The following PCDH1 variants were observed in gnomAD, a reference collection of about 807,000 sequenced individuals.
PCDH1 encodes protocadherin-1.
Under a neutral mutation model 74.6 loss-of-function variants are expected in PCDH1, and 23 were observed. The observed-to-expected ratio is 0.31, with a 90% confidence interval of 0.22 to 0.44. PCDH1 has a LOEUF of 0.44. Ranked by LOEUF, PCDH1 falls within the 20% of genes least tolerant of loss-of-function variation. PCDH1 has a pLI of 1.00. For synonymous variants in PCDH1, 647 were observed against 686.1 expected (o/e 0.94, Z 0.89); for missense variants, 1,214 against 1,641.4 (o/e 0.74, Z 4.50).
At position 141,865,430 on chromosome 5, in the gene PCDH1, A is replaced by G. The variant is rs369131172; in HGVS notation, c.904-3T>C. The G allele has an allele frequency of 8.4e-5, 135 of 1,610,628 alleles. No individual in the cohort carries two copies. Among genetic ancestry groups the G allele is most frequent in the Admixed American group, 8.0e-4 (48 of 59,946 alleles). ...TGGTCTGAGTCATTGGCCTTCACCTATAGGGCAGGAGAGAAAAACAAGGAG... is the reference window on the plus strand; with the variant it reads ...TGGTCTGAGTCATTGGCCTTCACCTGTAGGGCAGGAGAGAAAAACAAGGAG... On this transcript the variant is annotated splice_polypyrimidine_tract_variant and splice_region_variant and intron_variant, in intron 2 of 4. Transcript: ENST00000287008. The surrounding 1 kb of genome is among the most constrained non-coding windows in gnomAD (Gnocchi z 4.4).
At chr5:141,873,347 C>A (rs1313261688) in intron 1 of PCDH1, among the ~76,000 whole-genome samples, 2 of 146,574 alleles carry the variant, frequency 1.4e-5, no homozygotes, top group African/African-American at 5.1e-5. Flanking sequence ...ACCGTGTTGG[C>A]CACAATGGTC....
At chr5:141,866,619 C>T (rs956614778) in intron 2 of PCDH1, among the ~76,000 whole-genome samples, 2 of 152,096 alleles carry the variant, frequency 1.3e-5, no homozygotes, top group African/African-American at 2.4e-5. Context: ...CCCAGTTATA[C>T]CACTTCCCAA....
At position 141,853,288 on chromosome 5, in the gene PCDH1, GA is replaced by G. The variant is rs1752195713; in HGVS notation, c.*753del. On this transcript the variant is annotated 3_prime_UTR_variant, in exon 5 of 5. Transcript: ENST00000287008. Reference sequence around the variant, plus strand: ...GGTTGGGGGGCACTGCGGCAGGGAGGAGGGGGCACAGGGCAGGTCCCCCCCC... The same window carrying G: ...GGTTGGGGGGCACTGCGGCAGGGAGGGGGGGCACAGGGCAGGTCCCCCCCC... 1 of 152,510 alleles carries G rather than the reference GA, an allele frequency of 6.6e-6. No individual in the cohort carries two copies. The highest frequency in any genetic ancestry group is 2.4e-5 in the African/African-American group (1 of 41,378). The allele number at this position is 152,510 out of a possible 1,614,324, so 9.4% of individuals were successfully genotyped here.
At chr5:141,859,629 G>C (rs1168862935) in intron 3 of PCDH1, among the ~76,000 whole-genome samples, 1 of 152,028 alleles carries the variant, frequency 6.6e-6, no homozygotes, top group Non-Finnish European at 1.5e-5. Context: ...TGAGAATCCT[G>C]GTAGCTCTCC....
chr5:141,864,664 G>A lies in PCDH1; in HGVS notation c.1667C>T (p.Thr556Ile). Residue 556 changes from threonine to isoleucine, a missense_variant, in exon 3 of 5, where the codon ACC becomes ATC. By Grantham distance (89) the Thr-to-Ile change is moderately conservative (BLOSUM62 -1). This residue lies in a region of PCDH1 where 836 missense variants were observed against 1,182.2 expected (regional missense o/e 0.71). Transcript: ENST00000287008. The surrounding 1 kb of genome is among the most constrained non-coding windows in gnomAD (Gnocchi z 5.9). The part of the protein sequence containing the change: ...EPEPAAKGLF[T>I]ISPETGEIQV... Reference sequence around the variant, plus strand: ...GATCTCTCCAGTCTCGGGTGAGATGGTGAAGAGGCCCTTAGCAGCCGGCTC... The same window carrying A: ...GATCTCTCCAGTCTCGGGTGAGATGATGAAGAGGCCCTTAGCAGCCGGCTC... The A allele has an allele frequency of 6.2e-7, 1 of 1,613,942 alleles. No homozygotes were observed. The highest frequency in any genetic ancestry group is 8.5e-7 in the Non-Finnish European group (1 of 1,180,030).
At chr5:141,874,328 C>T (rs1753167065) in intron 1 of PCDH1, among the ~76,000 whole-genome samples, 1 of 152,224 alleles carries the variant, frequency 6.6e-6, no homozygotes, top group African/African-American at 2.4e-5. Flanking sequence ...AGCAGTTGGG[C>T]ACTGGGAGTC....
chr5:141,854,216 G>A lies in PCDH1; in HGVS notation c.3540C>T (p.Thr1180=). ...GSPSPPEDRN[T]KTAPVRLLPS... ...GCAGGAGGCGCACGGGGGCCGTTTTGGTGTTCCGGTCTTCCGGGGGGCTGG... is the reference window on the plus strand; with the variant it reads ...GCAGGAGGCGCACGGGGGCCGTTTTAGTGTTCCGGTCTTCCGGGGGGCTGG... The change falls in exon 5 of 5, where the codon ACC becomes ACT. Residue 1180 remains threonine (T), a synonymous_variant. Transcript: ENST00000287008. The A allele has an allele frequency of 6.2e-7, 1 of 1,611,190 alleles. No homozygotes were observed. Among genetic ancestry groups the A allele is most frequent in the Non-Finnish European group, 8.5e-7 (1 of 1,178,302 alleles).
chr5:141,866,225 C>CGGCTGGCT, intron 2 of PCDH1: 1 of 985,472 alleles, frequency 1.0e-6, no homozygotes, highest in Non-Finnish European at 1.2e-6. Context: ...CGACTGGCAC[C>CGGCTGGCT]GGCTGGCGAG....
Position 141,863,385 on chromosome 5 carries a change from G to A in PCDH1, c.2946C>T (p.Pro982=). ...GCTTCTTGGAGGCTGAGGGTGACTG[G>A]GGCTGCAGCTGGATGGAAGGCAGTG... ...NSPLPSIQLQ[P]QSPSASKKHQ... The change falls in exon 3 of 5, where the codon CCC becomes CCT. Residue 982 remains proline (P), a synonymous_variant. Coordinates refer to ENST00000287008, the MANE Select transcript of PCDH1 (RefSeq NM_032420.5). This position sits in a 1 kb window ranked among gnomAD's most constrained non-coding sequence, Gnocchi z 7.5. The A allele has an allele frequency of 1.9e-6, 3 of 1,550,322 alleles. No homozygotes were observed. Among genetic ancestry groups the A allele is most frequent in the Non-Finnish European group, 2.6e-6 (3 of 1,147,028 alleles).
chr5:141,877,464 T>TG (rs1353601975), intron 1 of PCDH1, among the ~76,000 whole-genome samples: 2 of 152,100 alleles, frequency 1.3e-5, no homozygotes, highest in African/African-American at 2.4e-5. Flanking sequence ...TAAAGGAATG[T>TG]GGGGGGTGGC....
intron 3 of PCDH1, chr5:141,862,950 G>T (rs1484500549): frequency 8.1e-7 from 1 of 1,239,374 alleles, no homozygotes; most frequent in Admixed American, 3.9e-5. Context: ...AGGCCCAGTA[G>T]CTGGTCCAGG....
chr5:141,856,326 G>A lies in PCDH1; in HGVS notation c.3319+926C>T, dbSNP rs1470535926. 41 of 1,327,848 alleles carry A rather than the reference G, an allele frequency of 3.1e-5. 1 individual carries two copies. Among genetic ancestry groups the A allele is most frequent in the Non-Finnish European group, 4.3e-5 (41 of 958,426 alleles). The allele number at this position is 1,327,848 out of a possible 1,614,324, so 82.3% of individuals were successfully genotyped here. A position where few individuals can be genotyped will look rare whatever the true frequency, so the allele number is the denominator to read the frequency against. On this transcript the variant is annotated intron_variant, in intron 4 of 4. Coordinates refer to ENST00000287008, the MANE Select transcript of PCDH1 (RefSeq NM_032420.5). The stretch of plus-strand genomic sequence containing the variant: ...GCGCATGGAGGGGCGGGGTGGGGGT[G>A]GAGGGCACTCTGAGACCTAGGGCCT...
intron 1 of PCDH1, among the ~76,000 whole-genome samples, chr5:141,873,212 A>G (rs11953639): frequency 0.21 from 30,971 of 149,768 alleles, 5,193 homozygotes; most frequent in African/African-American, 0.47. Context: ...TGCAACCTCC[A>G]CCTTTCGGGT....
intron 1 of PCDH1, among the ~76,000 whole-genome samples, chr5:141,874,262 A>G (rs1249679889): frequency 6.6e-6 from 1 of 152,252 alleles, no homozygotes; most frequent in Non-Finnish European, 1.5e-5. Flanking sequence ...GGGCAGGAGC[A>G]GCAATAAGGA....
At chr5:141,873,023 T>C (rs533283812) in intron 1 of PCDH1, among the ~76,000 whole-genome samples, 46 of 152,190 alleles carry the variant, frequency 3.0e-4, no homozygotes, top group Admixed American at 1.1e-3. Context: ...ATTCAGGAGG[T>C]GGGACCTAGA....
chr5:141,876,270 G>A lies in PCDH1; in HGVS notation c.40+1953C>T, dbSNP rs143672764. ...GTGGTGAGAACGCGCTTCGGCTAGT[G>A]GGGGGAGCCCTTGCGCCCCCCGCAC... On this transcript the variant is annotated intron_variant, in intron 1 of 4. Coordinates refer to ENST00000287008, the MANE Select transcript of PCDH1 (RefSeq NM_032420.5). Among the ~76,000 whole-genome samples, 109 of 152,300 alleles carry A rather than the reference G, an allele frequency of 7.2e-4. 1 individual carries two copies. The highest frequency in any genetic ancestry group is 3.4e-3 in the Middle Eastern group (1 of 294).
chr5:141,870,357 C>T (rs185881809), intron 1 of PCDH1, among the ~76,000 whole-genome samples: 1 of 152,324 alleles, frequency 6.6e-6, no homozygotes, highest in East Asian at 1.9e-4. Context: ...CTGCCATGGG[C>T]AGGTGCGTAC....
rs1752679970 is a variant in PCDH1, at chr5:141,863,748, C to G, written c.2583G>C (p.Val861=). ...GGGCGATGAGCAAGGCCACGGCCAC[C>G]ACACCAGCCACCACACCAAAGAGAA... ...GNILFGVVAG[V]VAVALLIALA... is the part of the protein sequence containing the mutation. The change falls in exon 3 of 5, where the codon GTG becomes GTC. Residue 861 remains valine, a synonymous_variant. Transcript: ENST00000287008. This position sits in a 1 kb window ranked among gnomAD's most constrained non-coding sequence, Gnocchi z 7.5. 1 of 1,614,076 alleles carries G rather than the reference C, an allele frequency of 6.2e-7. No individual in the cohort carries two copies. The highest frequency in any genetic ancestry group is 8.5e-7 in the Non-Finnish European group (1 of 1,180,034).
chr5:141,856,119 G>T, intron 4 of PCDH1: 1 of 1,089,014 alleles, frequency 9.2e-7, no homozygotes, highest in Non-Finnish European at 1.3e-6. Context: ...GAGCAGAGTT[G>T]GGGGACGCAA....
Sources: allele counts gnomAD v4.1 joint callset (sites outside exome capture counted in the v4.1 genomes callset), GRCh38; gene constraint gnomAD v4.1.1; regional missense constraint gnomAD v4.1.1; non-coding constraint Gnocchi (gnomAD v3.1); transcripts MANE v1.5; gene names NCBI Gene and HGNC (gene_info 2026-07-23, HGNC 2026-07-21).